The following TNFSF8 variants were observed in gnomAD, a reference collection of about 807,000 sequenced individuals.
TNFSF8 encodes the protein TNF superfamily member 8.
TNFSF8 carries 4 observed loss-of-function variants against 22.0 expected under a neutral mutation model. The observed-to-expected ratio is 0.18, with a 90% confidence interval of 0.09 to 0.42. The LOEUF is 0.42. Ranked by LOEUF, TNFSF8 falls within the 10% of genes least tolerant of loss-of-function variation. The pLI, the probability that TNFSF8 is intolerant of heterozygous loss-of-function variation, is 1.00. For missense variants in TNFSF8, 233 were observed against 281.8 expected (o/e 0.83, Z 1.24); for synonymous variants, 106 against 112.5 (o/e 0.94, Z 0.37).
chr9:114,909,579 T>TG (rs1327964979), intron 2 of TNFSF8, among the ~76,000 whole-genome samples: 1 of 152,188 alleles, frequency 6.6e-6, no homozygotes, highest in East Asian at 1.9e-4. Context: ...AAGAGCAGTG[T>TG]GGATTTGATG....
At chr9:114,898,742 G>A (rs116882415), downstream of TNFSF8, among the ~76,000 whole-genome samples, 129 of 152,258 alleles carry the variant, frequency 8.5e-4, 3 homozygotes, top group East Asian at 0.023. Context: ...TGTTTGGCAG[G>A]AAGGGGTTTA....
chr9:114,897,399 G>A (rs1827667974), downstream of TNFSF8, among the ~76,000 whole-genome samples: 3 of 152,224 alleles, frequency 2.0e-5, no homozygotes, highest in East Asian at 1.9e-4. Context: ...TAGGAATTGG[G>A]CTGGGCTGTG....
At chr9:114,893,797 C>CATACATTTTGGGAAGTGATTA (rs1308915127) in exon 5 of TNFSF8, 1 of 382,210 alleles carries the variant, frequency 2.6e-6, no homozygotes, top group Non-Finnish European at 4.9e-6. Flanking sequence ...TTCACACAGT[C>CATACATTTTGGGAAGTGATTA]ATACATTTTG....
At position 114,903,081 on chromosome 9, in the gene TNFSF8, C is replaced by A. The variant is rs934431155; in HGVS notation, c.*850G>T. On this transcript the variant is annotated 3_prime_UTR_variant, in exon 4 of 4. Coordinates refer to ENST00000223795, the MANE Select transcript of TNFSF8 (RefSeq NM_001244.4). The stretch of plus-strand genomic sequence containing the variant: ...TGCCAGTGAATTGAGAGTGACCACA[C>A]CCTATTTCTTTACCTACATTGTTAA... 3.3e-5 allele frequency: 5 copies of A among 152,354 alleles called. No individual in the cohort carries two copies. Among genetic ancestry groups the A allele is most frequent in the Admixed American group, 3.3e-4 (5 of 15,294 alleles). The allele number at this position is 152,354 out of a possible 1,614,324, so 9.4% of individuals were successfully genotyped here. A position where few individuals can be genotyped will look rare whatever the true frequency, so the allele number is the denominator to read the frequency against.
At chr9:114,896,025 T>G (rs1827652076) in intron 4 of TNFSF8, among the ~76,000 whole-genome samples, 1 of 152,214 alleles carries the variant, frequency 6.6e-6, no homozygotes, top group African/African-American at 2.4e-5. Flanking sequence ...GGTTTTGTAG[T>G]GTTTAGACCC....
rs1024120089 is a variant in TNFSF8 at position 114,901,402 on chromosome 9, T to C, written c.*2529A>G. 2.0e-6 allele frequency: 2 copies of C among 985,318 alleles called. No homozygotes were observed. The highest frequency in any genetic ancestry group is 3.5e-5 in the African/African-American group (2 of 57,224). 61.0% of individuals were successfully genotyped at this position (985,318 alleles called of 1,614,324 possible). ...TCTTTAGGTGTTGGCTTTCTTAGCA[T>C]TGCTTGACAGAGACTGAGATTAGAA... On this transcript the variant is annotated 3_prime_UTR_variant, in exon 4 of 4. Transcript: ENST00000223795.
At chr9:114,929,725 T>G (rs779102724) in intron 1 of TNFSF8, among the ~76,000 whole-genome samples, 1 of 151,960 alleles carries the variant, frequency 6.6e-6, no homozygotes, top group Non-Finnish European at 1.5e-5. Context: ...CATTAAGATT[T>G]AAATCTTAAC....
rs1166015885 is a variant in TNFSF8 at position 114,893,982 on chromosome 9, A to G, written c.*97T>C. ...TTCCTGGCTATGTCGGTTTAGGCCC[A>G]GAGTGACTGGTACCATCAAGTTCAT... On this transcript the variant is annotated 3_prime_UTR_variant, in exon 5 of 5. Coordinates refer to the TNFSF8 transcript ENST00000618336. The G allele has an allele frequency of 6.2e-5, 63 of 1,008,422 alleles. No individual in the cohort carries two copies. In the East Asian group the frequency reaches 1.6e-3, roughly 26 times the overall value. 62.5% of individuals were successfully genotyped at this position (1,008,422 alleles called of 1,614,324 possible).
intron 4 of TNFSF8, among the ~76,000 whole-genome samples, chr9:114,894,346 A>C (rs1827636590): frequency 1.0e-5 from 1 of 98,700 alleles, no homozygotes; most frequent in East Asian, 2.3e-4. Context: ...TTGCATGTCT[A>C]ATTTAGCGGA....
At chr9:114,924,346 A>G (rs1447498301) in intron 1 of TNFSF8, among the ~76,000 whole-genome samples, 1 of 152,228 alleles carries the variant, frequency 6.6e-6, no homozygotes, top group Non-Finnish European at 1.5e-5. Flanking sequence ...AAACAAAAAC[A>G]CAACAGCCAT....
intron 1 of TNFSF8, among the ~76,000 whole-genome samples, chr9:114,927,142 T>C (rs971459864): frequency 1.3e-5 from 2 of 148,930 alleles, no homozygotes; most frequent in Non-Finnish European, 3.0e-5. Context: ...AAATAGTATT[T>C]ATTTTATAAA....
At position 114,930,443 on chromosome 9, in the gene TNFSF8, T is replaced by A; in HGVS notation, c.-140A>T. The A allele has an allele frequency of 1.6e-6, 1 of 625,304 alleles. No homozygotes were observed. The highest frequency in any genetic ancestry group is 2.4e-6 in the Non-Finnish European group (1 of 419,612). 38.7% of individuals were successfully genotyped at this position (625,304 alleles called of 1,614,324 possible). A position where few individuals can be genotyped will look rare whatever the true frequency, so the allele number is the denominator to read the frequency against. ...AAAAAAACCTTCACCTGCTGCCTGG[T>A]GGAGAAACTCTTCTCTGGGGGCGTG... is the stretch of plus-strand genomic sequence containing the variant. On this transcript the variant is annotated 5_prime_UTR_variant, in exon 1 of 4. Coordinates refer to ENST00000223795, the MANE Select transcript of TNFSF8 (RefSeq NM_001244.4).
chr9:114,903,929 G>A lies in TNFSF8; in HGVS notation c.*2C>T, dbSNP rs1226480604. The A allele has an allele frequency of 2.0e-5, 31 of 1,583,062 alleles. No individual in the cohort carries two copies. The highest frequency in any genetic ancestry group is 2.4e-5 in the Non-Finnish European group (28 of 1,155,474). ...TTCTTCCTGAAGGCCAAGAGAAACT[G>A]TTCAGTCTGAATTACTGTATAAGAA... On this transcript the variant is annotated 3_prime_UTR_variant, in exon 4 of 4. Coordinates refer to ENST00000223795, the MANE Select transcript of TNFSF8 (RefSeq NM_001244.4).
chr9:114,899,004 A>T (rs1465829077), downstream of TNFSF8, among the ~76,000 whole-genome samples: 1 of 152,176 alleles, frequency 6.6e-6, no homozygotes, highest in Admixed American at 6.5e-5. Context: ...CACATCTGCA[A>T]CAGACTACAT....
chr9:114,905,919 G>A lies in TNFSF8; in HGVS notation c.239-20C>T, dbSNP rs1457298285. 3 of 1,563,756 alleles carry A rather than the reference G, an allele frequency of 1.9e-6. No homozygotes were observed. Among genetic ancestry groups the A allele is most frequent in the African/African-American group, 1.3e-5 (1 of 74,074 alleles). ...AATTTCCTAAAAATAAGGAGACGATGCATTAAAATGTCTTTTGCCGTTTTG... is the reference window on the plus strand; with the variant it reads ...AATTTCCTAAAAATAAGGAGACGATACATTAAAATGTCTTTTGCCGTTTTG... On this transcript the variant is annotated intron_variant, in intron 2 of 3. Transcript: ENST00000223795.
chr9:114,911,229 C>T (rs1827848744), intron 2 of TNFSF8, among the ~76,000 whole-genome samples: 1 of 152,238 alleles, frequency 6.6e-6, no homozygotes, highest in African/African-American at 2.4e-5. Flanking sequence ...TTAAGGCTAT[C>T]TGATGCTTCC....
At chr9:114,921,661 C>T (rs187275419) in intron 1 of TNFSF8, among the ~76,000 whole-genome samples, 2 of 152,220 alleles carry the variant, frequency 1.3e-5, no homozygotes, top group African/African-American at 4.8e-5. Context: ...TCCTAGAATT[C>T]TCTCCCTAAT....
At chr9:114,897,493 G>T (rs1223752399), downstream of TNFSF8, among the ~76,000 whole-genome samples, 2 of 152,122 alleles carry the variant, frequency 1.3e-5, no homozygotes, top group Admixed American at 1.3e-4. Context: ...GAGAACCAGG[G>T]GTGAAGGGTA....
downstream of TNFSF8, among the ~76,000 whole-genome samples, chr9:114,899,345 ATT>A (rs917553729): frequency 6.9e-6 from 1 of 143,888 alleles, no homozygotes; most frequent in Non-Finnish European, 1.5e-5. Context: ...GTAAGTTATT[ATT>A]TTTTTTTTTT....
Sources: gnomAD v4.1 joint callset for allele counts (sites outside exome capture counted in the v4.1 genomes callset) on GRCh38, gnomAD v4.1.1 for gene constraint, MANE v1.5 for transcripts, NCBI Gene and HGNC (gene_info 2026-07-23, HGNC 2026-07-21) for gene names.